IMPG1: variants seen among roughly 807,000 people sequenced by gnomAD.
IMPG1 encodes interphotoreceptor matrix proteoglycan 1.
IMPG1 carries 85 observed loss-of-function variants against 92.0 expected under a neutral mutation model. The ratio of observed to expected loss-of-function variants is 0.92; its 90% CI spans 0.78 to 1.11. IMPG1 has a LOEUF of 1.11. Ranked by LOEUF, IMPG1 falls within the 50% of genes least tolerant of loss-of-function variation. The probability of loss-of-function intolerance (pLI) is 0.00; values close to 1 mark genes in which losing one functional copy is unlikely to be tolerated. For synonymous variants in IMPG1, 367 were observed against 334.1 expected (o/e 1.10, Z -1.08); for missense variants, 1,022 against 956.0 (o/e 1.07, Z -0.91).
chr6:76,008,944 T>C (rs1251236267), intron 8 of IMPG1, among the ~76,000 whole-genome samples: 2 of 152,198 alleles, frequency 1.3e-5, no homozygotes, highest in Non-Finnish European at 2.9e-5. Context: ...TCAGTTTGCA[T>C]TTTCTAGAGT....
Position 76,071,186 on chromosome 6 carries a change from A to G in IMPG1, c.67+1236T>C, listed in dbSNP as rs552486112. On this transcript the variant is annotated intron_variant, in intron 1 of 16. Transcript: ENST00000369950. ...TAATTGTTATATATAAAAATTATAT[A>G]TAATTATATATTTGGAATTGTGTAT... is the stretch of plus-strand genomic sequence containing the variant. Among the ~76,000 whole-genome samples, 12 of 148,284 alleles carry G rather than the reference A, an allele frequency of 8.1e-5. No homozygotes were observed. In the South Asian group the frequency reaches 2.5e-3, roughly 31 times the overall value.
At chr6:76,005,241 C>A in intron 10 of IMPG1, 46 bp downstream of exon 10, 2 of 1,589,314 alleles carry the variant, frequency 1.3e-6, no homozygotes, top group African/African-American at 2.7e-5. Flanking sequence ...TTCTTAGTCT[C>A]TGCCAAAATG....
At chr6:76,060,739 A>G (rs144549438) in intron 1 of IMPG1, among the ~76,000 whole-genome samples, 1 of 152,186 alleles carries the variant, frequency 6.6e-6, no homozygotes, top group South Asian at 2.1e-4. Context: ...TGGTACCACA[A>G]GTTCCTTCCC....
At chr6:76,048,585 T>C (rs1482576474) in intron 1 of IMPG1, among the ~76,000 whole-genome samples, 1 of 152,182 alleles carries the variant, frequency 6.6e-6, no homozygotes. Context: ...AAGAACATTC[T>C]TCCAGAAACT....
chr6:75,994,597 G>C (rs116145414), intron 12 of IMPG1, among the ~76,000 whole-genome samples: 9,503 of 152,270 alleles, frequency 0.062, 401 homozygotes, highest in South Asian at 0.11. Flanking sequence ...AGCAGGCATA[G>C]AGAGAGAGCT....
intron 15 of IMPG1, among the ~76,000 whole-genome samples, chr6:75,929,329 T>C (rs1781622716): frequency 6.6e-6 from 1 of 152,140 alleles, no homozygotes. Context: ...TCCCTGATGA[T>C]AGTGAGATCC....
intron 12 of IMPG1, among the ~76,000 whole-genome samples, chr6:75,976,895 G>T: frequency 6.9e-6 from 1 of 144,214 alleles, no homozygotes; most frequent in African/African-American, 2.5e-5. Flanking sequence ...CTGGCAGACA[G>T]TAAGATTCCG....
At chr6:75,943,378 G>A (rs1610336) in intron 14 of IMPG1, among the ~76,000 whole-genome samples, 50,845 of 151,952 alleles carry the variant, frequency 0.33, 8,573 homozygotes, top group South Asian at 0.39. Flanking sequence ...GGAGGGAGGG[G>A]TGAGTTCTTA....
At chr6:75,948,866 C>T (rs1324317861) in intron 13 of IMPG1, among the ~76,000 whole-genome samples, 2 of 152,116 alleles carry the variant, frequency 1.3e-5, no homozygotes, top group African/African-American at 4.8e-5. Flanking sequence ...AAATTGCTTT[C>T]CCTCAGCTTC....
rs1341755093 is a variant in IMPG1 at position 76,007,570 on chromosome 6, CA to C, written c.867-71del. On this transcript the variant is annotated intron_variant, in intron 8 of 16. Coordinates refer to ENST00000369950, the MANE Select transcript of IMPG1 (RefSeq NM_001563.4). Reference sequence around the variant, plus strand: ...ATTTAATGACATTTATTGAGACATTCAATGAATTATTTTATATACAAAAGAA... The same window carrying C: ...ATTTAATGACATTTATTGAGACATTCATGAATTATTTTATATACAAAAGAA... 10 of 1,051,416 alleles carry C rather than the reference CA, an allele frequency of 9.5e-6. 1 individual carries two copies. The highest frequency in any genetic ancestry group is 9.1e-5 in the Admixed American group (4 of 43,998). 65.1% of individuals were successfully genotyped at this position (1,051,416 alleles called of 1,614,324 possible).
chr6:76,014,054 T>C (rs1783239229), intron 7 of IMPG1, among the ~76,000 whole-genome samples: 2 of 152,214 alleles, frequency 1.3e-5, no homozygotes, highest in African/African-American at 4.8e-5. Context: ...GGTTTAAATA[T>C]TGGTTCTGCT....
At chr6:75,974,339 C>A (rs1782475809) in intron 12 of IMPG1, among the ~76,000 whole-genome samples, 1 of 61,104 alleles carries the variant, frequency 1.6e-5, no homozygotes, top group Non-Finnish European at 3.1e-5. Flanking sequence ...CCCTTTCTTT[C>A]TTTCTTTCTT....
chr6:76,003,787 C>T, intron 11 of IMPG1, 87 bp downstream of exon 11: 2 of 983,034 alleles, frequency 2.0e-6, no homozygotes, highest in Non-Finnish European at 3.1e-6. Flanking sequence ...GGATTTTGCT[C>T]TGTTCATTTC....
intron 12 of IMPG1, among the ~76,000 whole-genome samples, chr6:75,986,076 GA>G (rs1430221040): frequency 6.6e-6 from 1 of 152,096 alleles, no homozygotes; most frequent in Non-Finnish European, 1.5e-5. Context: ...TTACAATTTT[GA>G]CATGTGTTCA....
chr6:76,011,356 A>T (rs1486809740), intron 7 of IMPG1, 132 bp from the exon 8 acceptor site: 1 of 518,042 alleles, frequency 1.9e-6, no homozygotes, highest in Non-Finnish European at 3.5e-6. Context: ...TTTTTCTTTT[A>T]AAAAAACTCT....
chr6:75,944,687 G>A (rs1165044960), intron 14 of IMPG1, among the ~76,000 whole-genome samples: 2 of 152,186 alleles, frequency 1.3e-5, no homozygotes, highest in East Asian at 3.8e-4. Context: ...TAAGTTCACC[G>A]AAGTGCTTAG....
At chr6:76,032,539 A>G (rs2149487377) in intron 4 of IMPG1, among the ~76,000 whole-genome samples, 1 of 152,330 alleles carries the variant, frequency 6.6e-6, no homozygotes, top group South Asian at 2.1e-4. Context: ...GTAGGTGGGA[A>G]AGTATGAAAC....
intron 15 of IMPG1, among the ~76,000 whole-genome samples, chr6:75,924,020 A>G (rs924870483): frequency 6.6e-6 from 1 of 152,116 alleles, no homozygotes; most frequent in Non-Finnish European, 1.5e-5. Context: ...GCATATTGTT[A>G]ATAAAATTTA....
intron 7 of IMPG1, among the ~76,000 whole-genome samples, chr6:76,016,840 G>A (rs1783298021): frequency 6.6e-6 from 1 of 152,184 alleles, no homozygotes; most frequent in Admixed American, 6.5e-5. Flanking sequence ...AGGCATCAGA[G>A]ATTAAAAGAA....
Sources: gnomAD v4.1 joint callset for allele counts (sites outside exome capture counted in the v4.1 genomes callset) on GRCh38, gnomAD v4.1.1 for gene constraint, MANE v1.5 for transcripts, NCBI Gene and HGNC (gene_info 2026-07-23, HGNC 2026-07-21) for gene names.